GRM8: variants seen among roughly 807,000 people sequenced by gnomAD.
GRM8 encodes glutamate metabotropic receptor 8.
GRM8 carries 47 observed loss-of-function variants against 87.2 expected under a neutral mutation model. The observed-to-expected ratio is 0.54, with a 90% CI of 0.43 to 0.69. The LOEUF (loss-of-function observed/expected upper bound fraction) is 0.69. GRM8 is among the 30% of genes least tolerant of loss of function. The probability of loss-of-function intolerance (pLI) is 0.00; values close to 1 mark genes in which losing one functional copy is unlikely to be tolerated. For missense variants in GRM8, 1,019 were observed against 1,139.2 expected, an observed-to-expected ratio of 0.89 and a Z score of 1.52; for synonymous variants, 396 against 404.5, an observed-to-expected ratio of 0.98 and a Z score of 0.25.
chr7:126,817,973 TA>T lies in GRM8; in HGVS notation c.1157-47909del, dbSNP rs1410303827. Reference sequence around the variant, plus strand: ...AAAATTTTTGCAAGCCTTATGGAATTAAAAAAACAACACTTAGAATCAAAGG... The same window carrying T: ...AAAATTTTTGCAAGCCTTATGGAATTAAAAAACAACACTTAGAATCAAAGG... On this transcript the variant is annotated intron_variant, in intron 6 of 10. Transcript: ENST00000339582. 4.6e-5 allele frequency among the ~76,000 whole-genome samples: 7 copies of T among 151,802 alleles called. 1 individual carries two copies. In the South Asian group the frequency reaches 1.0e-3, roughly 22 times the overall value.
rs537557468 is a variant in GRM8 at position 126,910,479 on chromosome 7, C to T, written c.728-5796G>A. On this transcript the variant is annotated intron_variant, in intron 3 of 10. Coordinates refer to ENST00000339582, the MANE Select transcript of GRM8 (RefSeq NM_000845.3). The stretch of plus-strand genomic sequence containing the variant: ...GAGAAATACAAATGAGACAGTGCTG[C>T]TTTCAAAGACTTCTCCATCAAGTAG... 1.4e-4 allele frequency among the ~76,000 whole-genome samples: 21 copies of T among 152,162 alleles called. No individual in the cohort carries two copies. The South Asian group carries it at 4.4e-3, about 32-fold the overall frequency.
chr7:126,879,451 A>G (rs1799833681), intron 6 of GRM8, among the ~76,000 whole-genome samples: 1 of 152,148 alleles, frequency 6.6e-6, no homozygotes, highest in African/African-American at 2.4e-5. Flanking sequence ...CTGTAATTAT[A>G]TCTAAATGTT....
chr7:127,232,243 G>A (rs566095222), intron 2 of GRM8, among the ~76,000 whole-genome samples: 1 of 151,478 alleles, frequency 6.6e-6, no homozygotes, highest in East Asian at 1.9e-4. Flanking sequence ...GAGAGAGACA[G>A]ACAGACAGAC....
chr7:126,517,901 A>C (rs1812411023), intron 9 of GRM8, among the ~76,000 whole-genome samples: 1 of 152,092 alleles, frequency 6.6e-6, no homozygotes, highest in African/African-American at 2.4e-5. Flanking sequence ...TTAAGTCTTA[A>C]ACTATCATGA....
intron 2 of GRM8, among the ~76,000 whole-genome samples, chr7:127,150,081 C>T (rs2133309723): frequency 6.6e-6 from 1 of 152,146 alleles, no homozygotes; most frequent in African/African-American, 2.4e-5. Flanking sequence ...ATTTGCTTCA[C>T]TATAGTAACC....
chr7:126,840,609 G>T (rs1387777575), intron 6 of GRM8, among the ~76,000 whole-genome samples: 1 of 152,128 alleles, frequency 6.6e-6, no homozygotes, highest in South Asian at 2.1e-4. Context: ...AAAGTTAATT[G>T]TTGACTATGT....
chr7:126,741,018 T>C (rs865899384), intron 7 of GRM8, among the ~76,000 whole-genome samples: 1 of 152,084 alleles, frequency 6.6e-6, no homozygotes, highest in African/African-American at 2.4e-5. Flanking sequence ...AAAATCAATA[T>C]GGGCAATTAA....
At chr7:126,567,456 T>C (rs1794327428) in intron 8 of GRM8, among the ~76,000 whole-genome samples, 1 of 151,978 alleles carries the variant, frequency 6.6e-6, no homozygotes, top group Admixed American at 6.6e-5. Flanking sequence ...ATACCTAATG[T>C]AAATGATAAG....
intron 3 of GRM8, among the ~76,000 whole-genome samples, chr7:127,027,181 C>T (rs901430678): frequency 2.0e-5 from 3 of 151,904 alleles, no homozygotes; most frequent in East Asian, 1.9e-4. Context: ...TTTGTTCTGT[C>T]CCATTGGTCT....
intron 7 of GRM8, among the ~76,000 whole-genome samples, chr7:126,757,672 G>A (rs1817165350): frequency 6.6e-6 from 1 of 152,078 alleles, no homozygotes; most frequent in African/African-American, 2.4e-5. Context: ...GTGCTACAAG[G>A]ACTTTTCTCT....
intron 9 of GRM8, among the ~76,000 whole-genome samples, chr7:126,465,480 C>T (rs1467752046): frequency 6.6e-6 from 1 of 151,680 alleles, no homozygotes; most frequent in Non-Finnish European, 1.5e-5. Flanking sequence ...TATATACTTC[C>T]ATTTACTTAA....
chr7:126,831,720 C>T (rs1017507472), intron 6 of GRM8, among the ~76,000 whole-genome samples: 1 of 152,050 alleles, frequency 6.6e-6, no homozygotes, highest in African/African-American at 2.4e-5. Context: ...TCTGGCACTC[C>T]CTAGTGAGAT....
At chr7:126,538,304 TAAA>T (rs1219521521) in intron 8 of GRM8, among the ~76,000 whole-genome samples, 1 of 152,196 alleles carries the variant, frequency 6.6e-6, no homozygotes. Flanking sequence ...ATAAACTCTT[TAAA>T]AAGAATATAA....
At position 126,824,153 on chromosome 7, in the gene GRM8, GTTA is replaced by G. The variant is rs1043790721; in HGVS notation, c.1157-54091_1157-54089del. 4.6e-5 allele frequency among the ~76,000 whole-genome samples: 7 copies of G among 152,154 alleles called. No homozygotes were observed. In the East Asian group the frequency reaches 7.7e-4, roughly 17 times the overall value. Reference sequence around the variant, plus strand: ...TTCATATTAAAATATGGTCATCACTGTTATTATTATTATTTCTTAGGTTGAGAT... The same window carrying G: ...TTCATATTAAAATATGGTCATCACTGTTATTATTATTTCTTAGGTTGAGAT... On this transcript the variant is annotated intron_variant, in intron 6 of 10. Coordinates refer to ENST00000339582, the MANE Select transcript of GRM8 (RefSeq NM_000845.3).
At chr7:126,893,870 T>C (rs1801296949) in intron 6 of GRM8, among the ~76,000 whole-genome samples, 1 of 152,042 alleles carries the variant, frequency 6.6e-6, no homozygotes, top group African/African-American at 2.4e-5. Flanking sequence ...ACACTTTATG[T>C]CTCCTTTGCC....
intron 6 of GRM8, among the ~76,000 whole-genome samples, chr7:126,898,440 C>T (rs1297330874): frequency 6.6e-6 from 1 of 152,114 alleles, no homozygotes; most frequent in Non-Finnish European, 1.5e-5. Context: ...TATTTGTTTT[C>T]CACCCAGAGA....
At chr7:126,599,497 C>T (rs1014713706) in intron 8 of GRM8, among the ~76,000 whole-genome samples, 2 of 152,026 alleles carry the variant, frequency 1.3e-5, no homozygotes, top group Admixed American at 6.6e-5. Context: ...CCATATTATA[C>T]TAATCATTGA....
intron 7 of GRM8, among the ~76,000 whole-genome samples, chr7:126,641,981 C>G (rs1802442562): frequency 6.6e-6 from 1 of 152,154 alleles, no homozygotes; most frequent in Admixed American, 6.5e-5. Context: ...CTAACTAGAA[C>G]TTGGGTGGGC....
intron 7 of GRM8, among the ~76,000 whole-genome samples, chr7:126,741,231 C>T (rs180856285): frequency 1.3e-5 from 2 of 150,948 alleles, no homozygotes; most frequent in East Asian, 1.9e-4. Context: ...AATCTGTGTG[C>T]GTACGTGTGT....
Sources: allele counts gnomAD v4.1 joint callset (sites outside exome capture counted in the v4.1 genomes callset), GRCh38; gene constraint gnomAD v4.1.1; transcripts MANE v1.5; gene names NCBI Gene and HGNC (gene_info 2026-07-23, HGNC 2026-07-21).